MGAT4C: variants seen among roughly 807,000 people sequenced by gnomAD.
MGAT4C encodes the protein MGAT4 family member C.
MGAT4C carries 19 observed loss-of-function variants against 40.1 expected under a neutral mutation model. The observed-to-expected ratio is 0.47, with a 90% CI of 0.33 to 0.70. The LOEUF is 0.70. Ranked by LOEUF, MGAT4C falls within the 30% of genes least tolerant of loss-of-function variation. The pLI is 0.02. For missense variants in MGAT4C, 491 were observed against 563.2 expected (o/e 0.87, Z 1.30); for synonymous variants, 181 against 187.1 (o/e 0.97, Z 0.27).
At chr12:86,413,510 C>G (rs1956646553) in intron 3 of MGAT4C, among the ~76,000 whole-genome samples, 1 of 152,128 alleles carries the variant, frequency 6.6e-6, no homozygotes, top group Non-Finnish European at 1.5e-5. Flanking sequence ...AGATCTGTTG[C>G]TCAAGATATA....
At chr12:86,711,567 T>A (rs960799467) in intron 2 of MGAT4C, among the ~76,000 whole-genome samples, 1 of 152,146 alleles carries the variant, frequency 6.6e-6, no homozygotes, top group African/African-American at 2.4e-5. Flanking sequence ...CTTATATTGT[T>A]TTTTCTTTTA....
chr12:86,393,788 A>T (rs1383326955), intron 3 of MGAT4C, among the ~76,000 whole-genome samples: 2 of 21,002 alleles, frequency 9.5e-5, no homozygotes, highest in African/African-American at 2.0e-4. Flanking sequence ...AGCCATAGGC[A>T]TTTAATGCCT....
At position 86,226,112 on chromosome 12, in the gene MGAT4C, C is replaced by T. The variant is rs1022689753; in HGVS notation, c.-57+30127G>A. On this transcript the variant is annotated intron_variant, in intron 1 of 4. Coordinates refer to ENST00000611864, the MANE Select transcript of MGAT4C (RefSeq NM_001351288.2). ...CCCATAGCTACTGGACATGTCATATCAACATGAAAAAAAAAAACATGTGCA... is the reference window on the plus strand; with the variant it reads ...CCCATAGCTACTGGACATGTCATATTAACATGAAAAAAAAAAACATGTGCA... 8.2e-5 allele frequency among the ~76,000 whole-genome samples: 12 copies of T among 146,822 alleles called. No individual in the cohort carries two copies. The Admixed American group carries it at 8.3e-4, about 10-fold the overall frequency.
intron 2 of MGAT4C, among the ~76,000 whole-genome samples, chr12:86,615,632 C>T (rs1962423860): frequency 6.6e-6 from 1 of 152,038 alleles, no homozygotes; most frequent in Non-Finnish European, 1.5e-5. Context: ...TTAAACAGAG[C>T]TGGAGCATCA....
intron 1 of MGAT4C, among the ~76,000 whole-genome samples, chr12:86,234,383 G>A (rs1218660709): frequency 1.3e-5 from 2 of 152,176 alleles, no homozygotes; most frequent in African/African-American, 4.8e-5. Context: ...TTTATGTCAT[G>A]TGGATATTTA....
At chr12:86,326,737 G>A (rs879612117) in intron 4 of MGAT4C, among the ~76,000 whole-genome samples, 19 of 151,898 alleles carry the variant, frequency 1.3e-4, no homozygotes, top group African/African-American at 3.1e-4. Flanking sequence ...AGTGTGTATC[G>A]TACCATTTTC....
chr12:86,626,555 G>T (rs1319148395), intron 2 of MGAT4C, among the ~76,000 whole-genome samples: 1 of 152,122 alleles, frequency 6.6e-6, no homozygotes, highest in Admixed American at 6.5e-5. Context: ...AAAGAGAATG[G>T]ATCTGAAGTA....
chr12:86,759,401 A>G (rs1423881266), intron 1 of MGAT4C, among the ~76,000 whole-genome samples: 1 of 152,096 alleles, frequency 6.6e-6, no homozygotes, highest in Non-Finnish European at 1.5e-5. Context: ...GATATATATC[A>G]AATTGTATGA....
chr12:86,098,433 T>G (rs964160357), intron 1 of MGAT4C, among the ~76,000 whole-genome samples: 23 of 151,710 alleles, frequency 1.5e-4, no homozygotes, highest in African/African-American at 4.3e-4. Context: ...CATTGAGGCA[T>G]GTGTGACTGA....
At chr12:86,624,009 C>T (rs950636249) in intron 2 of MGAT4C, among the ~76,000 whole-genome samples, 1 of 152,146 alleles carries the variant, frequency 6.6e-6, no homozygotes, top group Non-Finnish European at 1.5e-5. Flanking sequence ...TTTGACCTGT[C>T]TGTTAGCTCC....
intron 1 of MGAT4C, among the ~76,000 whole-genome samples, chr12:86,176,453 A>G (rs1887443029): frequency 6.6e-6 from 1 of 152,122 alleles, no homozygotes. Flanking sequence ...ATACTTACCA[A>G]AATGTAATTA....
At chr12:86,598,838 C>A (rs553051592) in intron 2 of MGAT4C, among the ~76,000 whole-genome samples, 15 of 152,082 alleles carry the variant, frequency 9.9e-5, no homozygotes, top group Non-Finnish European at 2.1e-4. Flanking sequence ...ACTTCTTTTG[C>A]TTTATTTGCT....
chr12:86,592,163 T>G (rs1380470171), intron 2 of MGAT4C, among the ~76,000 whole-genome samples: 1 of 151,974 alleles, frequency 6.6e-6, no homozygotes, highest in Non-Finnish European at 1.5e-5. Context: ...ATTTATTTTA[T>G]CAGAAGTTGA....
At chr12:86,715,274 T>C (rs1950625723) in intron 2 of MGAT4C, among the ~76,000 whole-genome samples, 1 of 152,104 alleles carries the variant, frequency 6.6e-6, no homozygotes, top group South Asian at 2.1e-4. Flanking sequence ...TAAACTACCA[T>C]ACCAAGAAAA....
intron 2 of MGAT4C, among the ~76,000 whole-genome samples, chr12:86,027,148 A>C (rs1008172573): frequency 1.3e-5 from 2 of 151,992 alleles, no homozygotes; most frequent in Middle Eastern, 3.4e-3. Context: ...CTTCATAAGC[A>C]AACTGAACAT....
At chr12:86,747,856 A>C (rs1951176750) in intron 1 of MGAT4C, among the ~76,000 whole-genome samples, 1 of 151,516 alleles carries the variant, frequency 6.6e-6, no homozygotes, top group Non-Finnish European at 1.5e-5. Flanking sequence ...CGTATGAGGA[A>C]GGAATGACCC....
At chr12:86,330,363 A>G (rs1465367480) in intron 4 of MGAT4C, among the ~76,000 whole-genome samples, 2 of 152,140 alleles carry the variant, frequency 1.3e-5, no homozygotes, top group Admixed American at 1.3e-4. Context: ...TTTCTCTGGG[A>G]CTTTATTGCT....
intron 2 of MGAT4C, among the ~76,000 whole-genome samples, chr12:86,702,016 C>T (rs1438750072): frequency 6.6e-6 from 1 of 152,072 alleles, no homozygotes; most frequent in Admixed American, 6.6e-5. Flanking sequence ...AAGATAGCTA[C>T]ACTAAACAAC....
At chr12:86,135,613 T>C (rs1881835209) in intron 1 of MGAT4C, among the ~76,000 whole-genome samples, 1 of 152,144 alleles carries the variant, frequency 6.6e-6, no homozygotes, top group South Asian at 2.1e-4. Flanking sequence ...TGGATATCTC[T>C]CAGGCCTATT....
Sources: gnomAD v4.1 joint callset for allele counts (sites outside exome capture counted in the v4.1 genomes callset) on GRCh38, gnomAD v4.1.1 for gene constraint, MANE v1.5 for transcripts, NCBI Gene and HGNC (gene_info 2026-07-23, HGNC 2026-07-21) for gene names.